SYCP2: variants seen among roughly 807,000 people sequenced by gnomAD.
SYCP2 encodes the protein synaptonemal complex protein 2, also known as synaptonemal complex lateral element protein.
SYCP2 carries 55 observed loss-of-function variants against 211.3 expected under a neutral mutation model. That is an observed-to-expected ratio of 0.26 (90% CI 0.21 to 0.33). The LOEUF (loss-of-function observed/expected upper bound fraction) is 0.33. Ranked by LOEUF, SYCP2 falls within the 10% of genes least tolerant of loss-of-function variation. The pLI, the probability that SYCP2 is intolerant of heterozygous loss-of-function variation, is 1.00. For missense variants in SYCP2, 1,731 were observed against 1,752.0 expected, an observed-to-expected ratio of 0.99 and a Z score of 0.21; for synonymous variants, 570 against 555.2, an observed-to-expected ratio of 1.03 and a Z score of -0.37.
chr20:59,896,226 G>A (rs138574939), intron 19 of SYCP2, among the ~76,000 whole-genome samples: 84 of 152,066 alleles, frequency 5.5e-4, no homozygotes, highest in African/African-American at 2.0e-3. Context: ...TATTAATGTC[G>A]AATATTAGTA....
chr20:59,879,325 T>C (rs947855347), intron 31 of SYCP2, among the ~76,000 whole-genome samples: 27 of 148,648 alleles, frequency 1.8e-4, no homozygotes, highest in Non-Finnish European at 4.4e-5. Flanking sequence ...CCTGCTGCTT[T>C]ACTTCCTCAT....
intron 28 of SYCP2, among the ~76,000 whole-genome samples, 167 bp from the exon 29 acceptor site, chr20:59,881,659 T>A (rs1017136825): frequency 6.6e-6 from 1 of 150,414 alleles, no homozygotes; most frequent in Non-Finnish European, 1.5e-5. Context: ...ACACTAAAAA[T>A]AGAATAGTTT....
chr20:59,877,192 A>C (rs150474779), intron 33 of SYCP2, among the ~76,000 whole-genome samples, 193 bp downstream of exon 33: 83 of 152,372 alleles, frequency 5.4e-4, no homozygotes, highest in African/African-American at 1.9e-3. Flanking sequence ...TGTTTTGTAA[A>C]AAAAATGCCA....
At chr20:59,912,809 G>C (rs79992870) in intron 12 of SYCP2, among the ~76,000 whole-genome samples, 2 of 152,120 alleles carry the variant, frequency 1.3e-5, no homozygotes, top group South Asian at 4.1e-4. Context: ...CTGTTCTTGC[G>C]GTAGTGAGTA....
At chr20:59,880,638 T>C (rs1406259161) in intron 30 of SYCP2, among the ~76,000 whole-genome samples, 167 bp from the exon 31 acceptor site, 1 of 151,766 alleles carries the variant, frequency 6.6e-6, no homozygotes, top group Non-Finnish European at 1.5e-5. Context: ...TAATAACCTA[T>C]CCAAGAAAGT....
In SYCP2 at chr20:59,900,775, A is replaced by G. The variant is rs778066569; in HGVS notation, c.1226T>C (p.Leu409Pro). 20 of 1,612,846 alleles carry G rather than the reference A, an allele frequency of 1.2e-5. No homozygotes were observed. Among genetic ancestry groups the G allele is most frequent in the Admixed American group, 1.7e-5 (1 of 59,900 alleles). The change falls in exon 17 of 45, where the codon CTG becomes CCG. Residue 409 changes from leucine to proline, a missense_variant. Transcript: ENST00000357552. ...KQGISVAKTS[L>P]HILFDASGSQ... The stretch of plus-strand genomic sequence containing the variant: ...TCCACTTGCGTCAAAAAGTATATGC[A>G]GCGACGTTTTGGCAACTGAAATACC...
intron 2 of SYCP2, among the ~76,000 whole-genome samples, chr20:59,928,383 C>T (rs1180156540): frequency 6.6e-6 from 1 of 152,074 alleles, no homozygotes; most frequent in African/African-American, 2.4e-5. Context: ...ATAAAACCAT[C>T]AATGCTTCAC....
At chr20:59,912,633 C>A (rs1221481527) in intron 12 of SYCP2, among the ~76,000 whole-genome samples, 1 of 152,160 alleles carries the variant, frequency 6.6e-6, no homozygotes. Context: ...ACTACTCAAT[C>A]TACCATTCTG....
chr20:59,878,700 A>G (rs1284734648), intron 31 of SYCP2, among the ~76,000 whole-genome samples: 2 of 152,110 alleles, frequency 1.3e-5, no homozygotes, highest in African/African-American at 4.8e-5. Flanking sequence ...TAAACAATAT[A>G]ATGAGATTTA....
At chr20:59,867,014 CAAAA>C (rs779891839) in intron 39 of SYCP2, among the ~76,000 whole-genome samples, 2 of 60,414 alleles carry the variant, frequency 3.3e-5, no homozygotes, top group Non-Finnish European at 6.2e-5. Context: ...GGCCTTGGGC[CAAAA>C]AAAAAAAAAA....
At chr20:59,903,147 T>C (rs1279565408) in intron 15 of SYCP2, among the ~76,000 whole-genome samples, 1 of 151,842 alleles carries the variant, frequency 6.6e-6, no homozygotes, top group Non-Finnish European at 1.5e-5. Context: ...TAGAAATTTA[T>C]GAATATTTGT....
intron 39 of SYCP2, among the ~76,000 whole-genome samples, chr20:59,867,454 T>TAA (rs11476334): frequency 9.8e-5 from 10 of 101,978 alleles, no homozygotes; most frequent in African/African-American, 2.1e-4. Flanking sequence ...AACTGTCCAG[T>TAA]AAAAAAAAAA....
At chr20:59,926,201 C>T (rs962625881) in intron 2 of SYCP2, among the ~76,000 whole-genome samples, 1 of 152,054 alleles carries the variant, frequency 6.6e-6, no homozygotes, top group African/African-American at 2.4e-5. Flanking sequence ...AAAATGTTTG[C>T]TCACAGCTAT....
At chr20:59,895,665 C>CA in intron 19 of SYCP2, 68 bp from the exon 20 acceptor site, 3 of 1,549,172 alleles carry the variant, frequency 1.9e-6, no homozygotes, top group Non-Finnish European at 2.6e-6. Flanking sequence ...GGTACTTTTC[C>CA]AATGAGAAAG....
At chr20:59,922,628 A>C (rs890736485) in intron 2 of SYCP2, among the ~76,000 whole-genome samples, 169 bp from the exon 3 acceptor site, 4 of 151,764 alleles carry the variant, frequency 2.6e-5, no homozygotes, top group Admixed American at 2.0e-4. Flanking sequence ...TGATCAAATA[A>C]GTTTCTAGAG....
Position 59,915,483 on chromosome 20 carries a change from T to C in SYCP2, c.581A>G (p.Gln194Arg). 2 of 1,603,572 alleles carry C rather than the reference T, an allele frequency of 1.2e-6. No individual in the cohort carries two copies. The highest frequency in any genetic ancestry group is 1.7e-6 in the Non-Finnish European group (2 of 1,170,834). The change falls in exon 9 of 45, where the codon CAA (glutamine) becomes CGA (arginine). Residue 194 changes from glutamine (Q) to arginine (R), a missense_variant. Physicochemically the swap from Gln to Arg is conservative, Grantham distance 43 (BLOSUM62 1). This residue lies in a region of SYCP2 where 335 missense variants were observed against 378.8 expected (regional missense o/e 0.88). Transcript: ENST00000357552. ...TTATTACATGAGAATTAACATTTCT[T>C]GGTTAGAGAGTATTTTCCGGGCATC... The part of the protein sequence containing the change: ...PQDARKILSN[Q>R]EMLILMSSMG...
In SYCP2 at chr20:59,919,899, C is replaced by A. The variant is rs533877867; in HGVS notation, c.298-302G>T. 1.9e-3 allele frequency among the ~76,000 whole-genome samples: 292 copies of A among 151,610 alleles called. 2 individuals carry two copies. The highest frequency in any genetic ancestry group is 3.6e-3 in the Non-Finnish European group (246 of 67,618). ...AATAGAAGGAAGTAAATTATCATCA[C>A]AATTTAGACCATTTTGATATTGTTA... On this transcript the variant is annotated intron_variant, in intron 5 of 44. Coordinates refer to ENST00000357552, the MANE Select transcript of SYCP2 (RefSeq NM_014258.4).
chr20:59,871,583 G>T (rs540812628), intron 35 of SYCP2, among the ~76,000 whole-genome samples: 1 of 151,842 alleles, frequency 6.6e-6, no homozygotes, highest in Non-Finnish European at 1.5e-5. Flanking sequence ...ATACTGAAGG[G>T]ATTAAAGGAT....
At chr20:59,876,405 A>AAAAAAAAAAAAAAAAAAAAAT (rs2059558900) in intron 33 of SYCP2, among the ~76,000 whole-genome samples, 1 of 143,582 alleles carries the variant, frequency 7.0e-6, no homozygotes, top group African/African-American at 2.6e-5. Flanking sequence ...AAAAAAAAAA[A>AAAAAAAAAAAAAAAAAAAAAT]AAAAAAGAAG....
Sources: gnomAD v4.1 joint callset for allele counts (sites outside exome capture counted in the v4.1 genomes callset) on GRCh38, gnomAD v4.1.1 for gene constraint, gnomAD v4.1.1 regional missense constraint, MANE v1.5 for transcripts, NCBI Gene and HGNC (gene_info 2026-07-23, HGNC 2026-07-21) for gene names.